The following MBL2 variants were observed in gnomAD, a reference collection of about 807,000 sequenced individuals.
The protein encoded by MBL2 is mannose binding lectin 2, also known as mannose-binding protein C.
Under a neutral mutation model 12.7 loss-of-function variants are expected in MBL2, and 6 were observed. The observed-to-expected ratio is 0.47, with a 90% CI of 0.26 to 0.94. The LOEUF is 0.94. Among genes scored for constraint, MBL2 ranks in the 40% least tolerant of loss-of-function variants. The pLI, the probability that MBL2 is intolerant of heterozygous loss-of-function variation, is 0.15. For missense variants in MBL2, 307 were observed against 295.2 expected, an observed-to-expected ratio of 1.04 and a Z score of -0.29; for synonymous variants, 114 against 112.0, an observed-to-expected ratio of 1.02 and a Z score of -0.11.
intron 1 of MBL2, 73 bp from the exon 2 acceptor site, chr10:52,771,717 C>G: frequency 6.6e-7 from 1 of 1,507,614 alleles, no homozygotes; most frequent in Non-Finnish European, 8.9e-7. Flanking sequence ...GCCCTCTGTC[C>G]TACAATCTGG....
intron 3 of MBL2, among the ~76,000 whole-genome samples, chr10:52,770,157 T>C (rs759104339): frequency 3.3e-5 from 5 of 152,200 alleles, no homozygotes; most frequent in Non-Finnish European, 7.3e-5. Flanking sequence ...AGTGAGACTA[T>C]TGGCCATCAG....
In MBL2 at chr10:52,769,228, A is replaced by G; in HGVS notation, c.373+19T>C. The G allele has an allele frequency of 6.4e-7, 1 of 1,573,388 alleles. No homozygotes were observed. The highest frequency in any genetic ancestry group is 8.7e-7 in the Non-Finnish European group (1 of 1,154,870). On this transcript the variant is annotated intron_variant, in intron 4 of 4. Transcript: ENST00000674931. Reference sequence around the variant, plus strand: ...TTCCCAAACTTCAAGCTGCCTGGAGAGTAAGAGAAAAAGCTTACACTTTTT... The same window carrying G: ...TTCCCAAACTTCAAGCTGCCTGGAGGGTAAGAGAAAAAGCTTACACTTTTT...
At chr10:52,768,590 G>A (rs948882770) in intron 4 of MBL2, 80 bp from the exon 5 acceptor site, 2 of 1,095,988 alleles carry the variant, frequency 1.8e-6, no homozygotes, top group Non-Finnish European at 2.6e-6. Context: ...GTCTTCTAGA[G>A]TACAGTTGCC....
intron 2 of MBL2, among the ~76,000 whole-genome samples, 180 bp downstream of exon 2, chr10:52,771,269 A>G (rs1840387365): frequency 6.6e-6 from 1 of 152,188 alleles, no homozygotes; most frequent in Non-Finnish European, 1.5e-5. Flanking sequence ...CAAGACAACT[A>G]TTAGTCACAA....
Position 52,770,726 on chromosome 10 carries a change from C to T in MBL2, c.248G>A (p.Gly83Glu). 1 of 1,523,170 alleles carries T rather than the reference C, an allele frequency of 6.6e-7. No homozygotes were observed. The highest frequency in any genetic ancestry group is 8.9e-7 in the Non-Finnish European group (1 of 1,127,892). The allele number at this position is 1,523,170 out of a possible 1,614,324, so 94.4% of individuals were successfully genotyped here. A position where few individuals can be genotyped will look rare whatever the true frequency, so the allele number is the denominator to read the frequency against. Residue 83 changes from glycine to glutamate, a missense_variant, in exon 3 of 5, where the codon GGG becomes GAG. Coordinates refer to ENST00000674931, the MANE Select transcript of MBL2 (RefSeq NM_001378373.1). ...PGKLGPPGNP[G>E]PSGSPGPKGQ... ...CTTTGGTCCTGGTGACCCAGAAGGC[C>T]CTGGATTTCCTGGAGGCCCCAACTT...
intron 2 of MBL2, 42 bp downstream of exon 2, chr10:52,771,407 G>A: frequency 6.2e-7 from 1 of 1,600,922 alleles, no homozygotes; most frequent in Non-Finnish European, 8.5e-7. Context: ...AGTTTCCTCT[G>A]GAAGGTAAAG....
intron 2 of MBL2, among the ~76,000 whole-genome samples, chr10:52,771,013 T>C (rs1489605139): frequency 6.6e-6 from 1 of 152,188 alleles, no homozygotes; most frequent in Non-Finnish European, 1.5e-5. Flanking sequence ...GAAAATTAAC[T>C]GCATTTGTTT....
Position 52,771,519 on chromosome 10 carries a change from G to GC in MBL2, c.116dup (p.Ser39ArgfsTer15). 1 of 1,613,786 alleles carries GC rather than the reference G, an allele frequency of 6.2e-7. No homozygotes were observed. ...CTGGGAAGCCGTTGATGCCTGGAGAGCTACAGGCAATCACTGCAGGGCAGG... is the reference window on the plus strand; with the variant it reads ...CTGGGAAGCCGTTGATGCCTGGAGAGCCTACAGGCAATCACTGCAGGGCAGG... On this transcript the variant is annotated frameshift_variant, in exon 2 of 5. Coordinates refer to ENST00000674931, the MANE Select transcript of MBL2 (RefSeq NM_001378373.1). LOFTEE classifies it high-confidence loss of function.
At position 52,771,893 on chromosome 10, in the gene MBL2, C is replaced by T. The variant is rs189469831; in HGVS notation, c.-9-249G>A. Among the ~76,000 whole-genome samples, 27 of 152,276 alleles carry T rather than the reference C, an allele frequency of 1.8e-4. No homozygotes were observed. The East Asian group carries it at 3.5e-3, about 20-fold the overall frequency. ...GGTTCATCTGTGCCTAGACACCTGG[C>T]GTTGCTGCTGGAAGACTATAAACAT... On this transcript the variant is annotated intron_variant, in intron 1 of 4. Transcript: ENST00000674931.
At chr10:52,769,343 C>T (rs754254222) in intron 3 of MBL2, 28 bp from the exon 4 acceptor site, 1 of 1,502,190 alleles carries the variant, frequency 6.7e-7, no homozygotes, top group African/African-American at 1.4e-5. Context: ...AGTAAAGAAG[C>T]ATTGTTGAGA....
Position 52,770,758 on chromosome 10 carries a change from G to C in MBL2, c.216C>G (p.Pro72=). The change falls in exon 3 of 5, where the codon CCC becomes CCG. Residue 72 remains proline, a synonymous_variant. Transcript: ENST00000674931. ...TTCCTGGAGGCCCCAACTTTCCAGG[G>C]GGGCCCTGTAAGCCTCTGAGCCCTT... ...PGQGLRGLQG[P]PGKLGPPGNP... The C allele has an allele frequency of 6.6e-7, 1 of 1,511,622 alleles. No homozygotes were observed. The highest frequency in any genetic ancestry group is 2.5e-5 in the East Asian group (1 of 40,078). The allele number at this position is 1,511,622 out of a possible 1,614,324, so 93.6% of individuals were successfully genotyped here.
At chr10:52,769,883 T>C (rs1177396438) in intron 3 of MBL2, among the ~76,000 whole-genome samples, 1 of 151,064 alleles carries the variant, frequency 6.6e-6, no homozygotes, top group Non-Finnish European at 1.5e-5. Flanking sequence ...ATGGCCTCAA[T>C]AGGGTACAGC....
chr10:52,768,233 A>G lies in MBL2; in HGVS notation c.651T>C (p.Gly217=). 1.2e-6 allele frequency: 2 copies of G among 1,613,848 alleles called. No homozygotes were observed. The highest frequency in any genetic ancestry group is 1.7e-6 in the Non-Finnish European group (2 of 1,180,002). ...NWNEGEPNNA[G]SDEDCVLLLK... is the part of the protein sequence containing the mutation. ...GTAGCAATACACAATCTTCATCAGA[A>G]CCAGCATTGTTGGGTTCACCCTCGT... Residue 217 remains glycine (G), a synonymous_variant, in exon 5 of 5, where the codon GGT becomes GGC. Coordinates refer to ENST00000674931, the MANE Select transcript of MBL2 (RefSeq NM_001378373.1).
chr10:52,768,611 T>C (rs1421364848), intron 4 of MBL2, 101 bp from the exon 5 acceptor site: 9 of 761,470 alleles, frequency 1.2e-5, no homozygotes, highest in East Asian at 2.6e-5. Flanking sequence ...GGATAAAATA[T>C]AGTATGTCCA....
At chr10:52,769,409 A>G in intron 3 of MBL2, 94 bp from the exon 4 acceptor site, 1 of 674,938 alleles carries the variant, frequency 1.5e-6, no homozygotes, top group East Asian at 2.8e-5. Context: ...TCAAACTGAA[A>G]AAAAAAGCTT....
rs1166904742 is a variant in MBL2 at position 52,769,286 on chromosome 10, T to C, written c.334A>G (p.Arg112Gly). ...GCCATTTCTGTTTGCAGAGCTTTTC[T>C]TTCTGAGGCAGCCAGGCTACTATCA... Reference protein sequence around the residue: ...DGDSSLAASERKALQTEMARI... With the variant: ...DGDSSLAASEGKALQTEMARI... Residue 112 changes from arginine (R) to glycine (G), a missense_variant, in exon 4 of 5, where the codon AGA becomes GGA. Physicochemically the swap from Arg to Gly is moderately radical, Grantham distance 125. Coordinates refer to ENST00000674931, the MANE Select transcript of MBL2 (RefSeq NM_001378373.1). The C allele has an allele frequency of 4.8e-5, 78 of 1,612,294 alleles. No homozygotes were observed. Among genetic ancestry groups the C allele is most frequent in the Non-Finnish European group, 6.5e-5 (77 of 1,179,454 alleles).
intron 1 of MBL2, 64 bp downstream of exon 1, chr10:52,772,673 G>C: frequency 1.0e-6 from 1 of 953,996 alleles, no homozygotes; most frequent in Non-Finnish European, 1.2e-6. Flanking sequence ...ATGCCTCCAG[G>C]GTCATGTCAG....
chr10:52,768,596 T>C, intron 4 of MBL2, 86 bp from the exon 5 acceptor site: 1 of 915,224 alleles, frequency 1.1e-6, no homozygotes, highest in Non-Finnish European at 1.6e-6. Flanking sequence ...TAGAGTACAG[T>C]TGCCGGATAA....
At position 52,771,666 on chromosome 10, in the gene MBL2, G is replaced by A. The variant is rs1449209132; in HGVS notation, c.-9-22C>T. On this transcript the variant is annotated intron_variant, in intron 1 of 4. Coordinates refer to ENST00000674931, the MANE Select transcript of MBL2 (RefSeq NM_001378373.1). ...TCACCTTGGTGTGAGAAAACTCAGGGAAGGTTAATCTCAGTTAATGAACAC... is the reference window on the plus strand; with the variant it reads ...TCACCTTGGTGTGAGAAAACTCAGGAAAGGTTAATCTCAGTTAATGAACAC... 1.9e-6 allele frequency: 3 copies of A among 1,604,262 alleles called. No individual in the cohort carries two copies. In the African/African-American group the frequency reaches 4.0e-5, roughly 21 times the overall value.
Sources: gnomAD v4.1 joint callset for allele counts (sites outside exome capture counted in the v4.1 genomes callset) on GRCh38, gnomAD v4.1.1 for gene constraint, MANE v1.5 for transcripts, NCBI Gene and HGNC (gene_info 2026-07-23, HGNC 2026-07-21) for gene names.